The following GYPE variants were observed in gnomAD, a reference collection of about 807,000 sequenced individuals.
GYPE encodes glycophorin E (MNS blood group), also known as glycophorin-E.
In GYPE, 8 loss-of-function variants were observed where a neutral mutation model predicts 11.6. The ratio of observed to expected loss-of-function variants is 0.69; its 90% confidence interval spans 0.41 to 1.25. The LOEUF (loss-of-function observed/expected upper bound fraction) is 1.25. Among genes scored for constraint, GYPE ranks in the 50% most tolerant of loss-of-function variants. The pLI is 0.01. For missense variants in GYPE, 90 were observed against 92.8 expected (o/e 0.97, Z 0.12); for synonymous variants, 28 against 29.6 (o/e 0.94, Z 0.18).
chr4:143,890,051 C>A (rs1407871896), intron 1 of GYPE, among the ~76,000 whole-genome samples: 1 of 152,140 alleles, frequency 6.6e-6, no homozygotes, highest in African/African-American at 2.4e-5. Context: ...TATAATGCAA[C>A]CAATTCTCAA....
rs550194381 is a variant in GYPE, at chr4:143,871,681, C to G, written c.*581G>C. 3.3e-5 allele frequency: 5 copies of G among 152,220 alleles called. No homozygotes were observed. Among genetic ancestry groups the G allele is most frequent in the African/African-American group, 9.6e-5 (4 of 41,520 alleles). 9.4% of individuals were successfully genotyped at this position (152,220 alleles called of 1,614,324 possible). On this transcript the variant is annotated 3_prime_UTR_variant, in exon 4 of 4. Transcript: ENST00000358615. Reference sequence around the variant, plus strand: ...TAAGCAGGAACAGGAAAGGGAAAATCTAGGAGAAAAGCTTACAAAGACTGT... The same window carrying G: ...TAAGCAGGAACAGGAAAGGGAAAATGTAGGAGAAAAGCTTACAAAGACTGT...
intron 2 of GYPE, among the ~76,000 whole-genome samples, chr4:143,877,635 C>G (rs573245168): frequency 8.0e-4 from 121 of 152,052 alleles, no homozygotes; most frequent in Non-Finnish European, 1.6e-3. Context: ...ATTTAAAAGT[C>G]CTATTATTGA....
rs1419916887 is a variant in GYPE, at chr4:143,891,321, TTTTG to T, written c.38-10816_38-10813del. On this transcript the variant is annotated intron_variant, in intron 1 of 3. Coordinates refer to ENST00000358615, the MANE Select transcript of GYPE (RefSeq NM_198682.3). ...ATGTTATTATTATTATTTTGATTTT[TTTTG>T]TTTCTTTTTTTTTTTTTTTTTGAGA... Among the ~76,000 whole-genome samples the T allele has an allele frequency of 2.6e-3, 40 of 15,626 alleles. No homozygotes were observed. In the East Asian group the frequency reaches 0.17, roughly 66 times the overall value. The allele number at this position is 15,626 out of a possible 152,430, so 10.3% of individuals were successfully genotyped here. A position where few individuals can be genotyped will look rare whatever the true frequency, so the allele number is the denominator to read the frequency against.
At chr4:143,898,416 T>C (rs1326480133) in intron 1 of GYPE, among the ~76,000 whole-genome samples, 18 of 152,062 alleles carry the variant, frequency 1.2e-4, no homozygotes. Flanking sequence ...CAAACAGGAA[T>C]AACCATATTA....
Position 143,877,413 on chromosome 4 carries a change from G to A in GYPE, c.137-558C>T, listed in dbSNP as rs2149904636. On this transcript the variant is annotated intron_variant, in intron 2 of 3. Transcript: ENST00000358615. ...ATAATGCAGGTCATCTATATTCTAA[G>A]CTTTATTCCTTCCACAGTATTCTTA... 2.0e-5 allele frequency among the ~76,000 whole-genome samples: 3 copies of A among 152,278 alleles called. No individual in the cohort carries two copies. In the South Asian group the frequency reaches 6.2e-4, roughly 32 times the overall value.
intron 2 of GYPE, 135 bp from the exon 3 acceptor site, chr4:143,876,990 G>A (rs1743840806): frequency 1.5e-6 from 1 of 660,252 alleles, no homozygotes; most frequent in African/African-American, 1.8e-5. Flanking sequence ...ACTATCATGT[G>A]TATTTTGTCT....
At chr4:143,897,959 C>G (rs1381917072) in intron 1 of GYPE, among the ~76,000 whole-genome samples, 1 of 152,028 alleles carries the variant, frequency 6.6e-6, no homozygotes, top group African/African-American at 2.4e-5. Flanking sequence ...AGAGCAGAAA[C>G]AAGGAATCAT....
intron 1 of GYPE, among the ~76,000 whole-genome samples, chr4:143,894,831 G>A (rs1177647290): frequency 6.6e-6 from 1 of 151,954 alleles, no homozygotes; most frequent in Admixed American, 6.6e-5. Flanking sequence ...TCATCCCTGG[G>A]ATGCAAGGCT....
intron 1 of GYPE, among the ~76,000 whole-genome samples, chr4:143,894,956 T>G (rs1033824027): frequency 2.6e-5 from 4 of 152,010 alleles, no homozygotes; most frequent in African/African-American, 9.7e-5. Flanking sequence ...ATTCAACAAC[T>G]CTTTCATGCT....
chr4:143,891,329 CTTTTTTTTT>C (rs747618657), intron 1 of GYPE, among the ~76,000 whole-genome samples: 1 of 117,948 alleles, frequency 8.5e-6, no homozygotes, highest in Non-Finnish European at 1.8e-5. Flanking sequence ...TTTTTTGTTT[CTTTTTTTTT>C]TTTTTTTTGA....
chr4:143,891,335 T>C (rs1399359328), intron 1 of GYPE, among the ~76,000 whole-genome samples: 3 of 147,482 alleles, frequency 2.0e-5, no homozygotes, highest in African/African-American at 2.5e-5. Context: ...GTTTCTTTTT[T>C]TTTTTTTTTT....
rs186847821 is a variant in GYPE, at chr4:143,893,696, G to A, written c.37+11775C>T. Among the ~76,000 whole-genome samples, 898 of 152,244 alleles carry A rather than the reference G, an allele frequency of 5.9e-3. 13 individuals are homozygous for A. Among genetic ancestry groups the A allele is most frequent in the African/African-American group, 0.021 (861 of 41,532 alleles). On this transcript the variant is annotated intron_variant, in intron 1 of 3. Coordinates refer to ENST00000358615, the MANE Select transcript of GYPE (RefSeq NM_198682.3). ...GAGAGATCTGCTCTTAGTCTCATGGGCTTCCCTTTGTGGGTAACCCGACCT... is the reference window on the plus strand; with the variant it reads ...GAGAGATCTGCTCTTAGTCTCATGGACTTCCCTTTGTGGGTAACCCGACCT...
At chr4:143,879,655 A>G (rs1277905869) in intron 2 of GYPE, among the ~76,000 whole-genome samples, 1 of 152,332 alleles carries the variant, frequency 6.6e-6, no homozygotes, top group South Asian at 2.1e-4. Context: ...GAATTTTCTG[A>G]AACTTCATTA....
intron 1 of GYPE, among the ~76,000 whole-genome samples, chr4:143,883,217 G>C (rs1022135990): frequency 1.6e-4 from 25 of 151,842 alleles, no homozygotes; most frequent in Non-Finnish European, 2.2e-4. Flanking sequence ...TCTCTCTCCC[G>C]ACTCTCTCTC....
chr4:143,896,082 A>G (rs1253374254), intron 1 of GYPE, among the ~76,000 whole-genome samples: 2 of 152,238 alleles, frequency 1.3e-5, no homozygotes, highest in Non-Finnish European at 2.9e-5. Flanking sequence ...ATTACCATTC[A>G]GGACATAGGA....
At chr4:143,877,623 A>G (rs2149904722) in intron 2 of GYPE, among the ~76,000 whole-genome samples, 1 of 152,320 alleles carries the variant, frequency 6.6e-6, no homozygotes, top group South Asian at 2.1e-4. Context: ...TGCCTAATTA[A>G]TATTTAAAAG....
chr4:143,895,799 C>G (rs1488742018), intron 1 of GYPE, among the ~76,000 whole-genome samples: 1 of 151,700 alleles, frequency 6.6e-6, no homozygotes, highest in Non-Finnish European at 1.5e-5. Flanking sequence ...GTACTGGTAC[C>G]AAAACAGAGA....
At chr4:143,873,512 A>G in intron 3 of GYPE, 1 of 452,834 alleles carries the variant, frequency 2.2e-6, no homozygotes, top group Non-Finnish European at 4.4e-6. Context: ...GGTCAAGAAC[A>G]ATCTATGAGT....
intron 1 of GYPE, among the ~76,000 whole-genome samples, chr4:143,903,628 A>G (rs559052322): frequency 3.7e-4 from 56 of 151,660 alleles, no homozygotes; most frequent in Admixed American, 1.8e-3. Flanking sequence ...TTTCTGTTAT[A>G]CTATTAAGTA....
Sources: allele counts gnomAD v4.1 joint callset (sites outside exome capture counted in the v4.1 genomes callset), GRCh38; gene constraint gnomAD v4.1.1; transcripts MANE v1.5; gene names NCBI Gene and HGNC (gene_info 2026-07-23, HGNC 2026-07-21).